NRG3: variants seen among roughly 807,000 people sequenced by gnomAD.
NRG3 encodes pro-neuregulin-3, membrane-bound isoform.
Under a neutral mutation model 66.9 loss-of-function variants are expected in NRG3, and 31 were observed. The ratio of observed to expected loss-of-function variants is 0.46; its 90% CI spans 0.35 to 0.63. The LOEUF (loss-of-function observed/expected upper bound fraction) is 0.63, where lower values mean the gene tolerates loss of function less well. Ranked by LOEUF, NRG3 falls within the 20% of genes least tolerant of loss-of-function variation. The pLI, the probability that NRG3 is intolerant of heterozygous loss-of-function variation, is 0.00. For missense variants in NRG3, 910 were observed against 878.9 expected, an observed-to-expected ratio of 1.04 and a Z score of -0.45; for synonymous variants, 393 against 359.4, an observed-to-expected ratio of 1.09 and a Z score of -1.06.
At chr10:82,592,539 C>T (rs1468756380) in intron 2 of NRG3, among the ~76,000 whole-genome samples, 1 of 152,180 alleles carries the variant, frequency 6.6e-6, no homozygotes, top group African/African-American at 2.4e-5. Flanking sequence ...TGAGACTACT[C>T]ATGTGCCAAA....
intron 1 of NRG3, among the ~76,000 whole-genome samples, chr10:82,299,934 T>A (rs1012976529): frequency 1.3e-5 from 2 of 152,142 alleles, no homozygotes; most frequent in Admixed American, 6.5e-5. Flanking sequence ...AAAAGACATT[T>A]AACTACTGGC....
chr10:82,705,024 A>G (rs915267386), intron 2 of NRG3, among the ~76,000 whole-genome samples: 3 of 152,208 alleles, frequency 2.0e-5, no homozygotes, highest in African/African-American at 7.2e-5. Flanking sequence ...AATAGTGTTC[A>G]CAAACAATTA....
chr10:82,484,234 G>A (rs147720680), intron 2 of NRG3, among the ~76,000 whole-genome samples: 44 of 152,298 alleles, frequency 2.9e-4, no homozygotes, highest in East Asian at 1.9e-3. Context: ...TACACTTTGT[G>A]TACTACAGTG....
intron 2 of NRG3, among the ~76,000 whole-genome samples, chr10:82,367,079 T>C (rs1011473068): frequency 1.3e-5 from 2 of 152,194 alleles, no homozygotes; most frequent in Non-Finnish European, 2.9e-5. Context: ...TTAGCTGCTC[T>C]CCTTTGTAAG....
intron 2 of NRG3, among the ~76,000 whole-genome samples, chr10:82,466,279 A>G (rs1840668355): frequency 1.3e-5 from 2 of 152,144 alleles, no homozygotes; most frequent in South Asian, 4.1e-4. Context: ...CATGAACTCT[A>G]GAAGCAGATT....
chr10:82,603,436 T>G (rs952399092), intron 2 of NRG3, among the ~76,000 whole-genome samples: 7 of 152,204 alleles, frequency 4.6e-5, no homozygotes, highest in African/African-American at 1.7e-4. Context: ...TGGTCATCTT[T>G]GAATATCACT....
At chr10:82,253,747 C>A (rs890754051) in intron 1 of NRG3, among the ~76,000 whole-genome samples, 1 of 152,140 alleles carries the variant, frequency 6.6e-6, no homozygotes, top group South Asian at 2.1e-4. Flanking sequence ...TAGTGTCATT[C>A]CATAGCTAAT....
chr10:82,912,772 A>G (rs1845446680), intron 4 of NRG3, among the ~76,000 whole-genome samples: 1 of 152,002 alleles, frequency 6.6e-6, no homozygotes, highest in South Asian at 2.1e-4. Context: ...GGATCTAATT[A>G]AGTATTTTAT....
intron 3 of NRG3, among the ~76,000 whole-genome samples, chr10:82,794,262 CCTCT>C (rs1458567159): frequency 6.6e-6 from 1 of 152,034 alleles, no homozygotes; most frequent in Non-Finnish European, 1.5e-5. Context: ...AATTAAATCT[CCTCT>C]CTCTCCCACA....
intron 3 of NRG3, among the ~76,000 whole-genome samples, chr10:82,827,862 T>C (rs576351612): frequency 2.6e-5 from 4 of 152,340 alleles, no homozygotes; most frequent in Admixed American, 2.6e-4. Flanking sequence ...AATAAATCAT[T>C]ATAAACCTAA....
chr10:82,219,289 T>A (rs747760914), intron 1 of NRG3, among the ~76,000 whole-genome samples: 1 of 147,198 alleles, frequency 6.8e-6, no homozygotes, highest in Non-Finnish European at 1.5e-5. Context: ...CTGGTAGCTA[T>A]GTGACCCCTC....
intron 1 of NRG3, among the ~76,000 whole-genome samples, chr10:82,348,941 G>A (rs2083219128): frequency 6.8e-6 from 1 of 146,184 alleles, no homozygotes; most frequent in South Asian, 2.2e-4. Flanking sequence ...GCACTTCTCT[G>A]TATTGGTTAT....
At chr10:82,044,957 A>C (rs1452006330) in intron 1 of NRG3, among the ~76,000 whole-genome samples, 1 of 151,762 alleles carries the variant, frequency 6.6e-6, no homozygotes, top group Admixed American at 6.6e-5. Flanking sequence ...TTCTTAATCA[A>C]GTCTATCATT....
intron 1 of NRG3, among the ~76,000 whole-genome samples, chr10:82,142,648 C>T (rs139141854): frequency 1.1e-3 from 163 of 151,640 alleles, no homozygotes; most frequent in African/African-American, 3.7e-3. Flanking sequence ...AAGACAGTTA[C>T]GATAGAAAAT....
At chr10:82,888,947 A>C (rs1178561035) in intron 4 of NRG3, among the ~76,000 whole-genome samples, 2 of 152,136 alleles carry the variant, frequency 1.3e-5, no homozygotes, top group Non-Finnish European at 2.9e-5. Flanking sequence ...GCGCAAGGCA[A>C]CTGTGACTGG....
At chr10:82,718,040 CT>C (rs2057081633) in intron 2 of NRG3, among the ~76,000 whole-genome samples, 1 of 152,028 alleles carries the variant, frequency 6.6e-6, no homozygotes, top group Admixed American at 6.6e-5. Context: ...ACATATTCCT[CT>C]GAGTAATTCA....
intron 1 of NRG3, among the ~76,000 whole-genome samples, chr10:82,251,958 C>T (rs561125749): frequency 6.6e-6 from 1 of 152,158 alleles, no homozygotes; most frequent in East Asian, 2.0e-4. Flanking sequence ...TGCCCCTCCC[C>T]ACCACACTGC....
intron 2 of NRG3, among the ~76,000 whole-genome samples, chr10:82,593,954 A>G (rs370770742): frequency 6.6e-6 from 1 of 152,080 alleles, no homozygotes; most frequent in African/African-American, 2.4e-5. Flanking sequence ...ATTTTTTAAG[A>G]ATGTGTAAAA....
intron 1 of NRG3, among the ~76,000 whole-genome samples, chr10:82,168,082 T>A (rs998477388): frequency 1.3e-5 from 2 of 152,166 alleles, no homozygotes; most frequent in African/African-American, 4.8e-5. Flanking sequence ...CATGACTCTC[T>A]TAATAATAAA....
Sources: gnomAD v4.1 joint callset for allele counts (sites outside exome capture counted in the v4.1 genomes callset) on GRCh38, gnomAD v4.1.1 for gene constraint, MANE v1.5 for transcripts, NCBI Gene and HGNC (gene_info 2026-07-23, HGNC 2026-07-21) for gene names.